SPAG16: variants seen among roughly 807,000 people sequenced by gnomAD.
The protein encoded by SPAG16 is sperm-associated antigen 16 protein.
In SPAG16, 86 loss-of-function variants were observed where a neutral mutation model predicts 80.4. The ratio of observed to expected loss-of-function variants is 1.07; its 90% CI spans 0.90 to 1.28. SPAG16 has a LOEUF of 1.28. Ranked by LOEUF, SPAG16 falls within the 50% of genes most tolerant of loss-of-function variation. SPAG16 has a pLI of 0.00. For synonymous variants in SPAG16, 294 were observed against 265.9 expected (o/e 1.11, Z -1.03); for missense variants, 870 against 765.3 (o/e 1.14, Z -1.61).
chr2:213,584,605 A>G (rs2060403800), intron 10 of SPAG16, among the ~76,000 whole-genome samples: 1 of 152,018 alleles, frequency 6.6e-6, no homozygotes. Flanking sequence ...GGAAAAAGGA[A>G]GGAAAGAAGG....
chr2:213,574,854 A>G (rs190667644), intron 10 of SPAG16, among the ~76,000 whole-genome samples: 27 of 152,056 alleles, frequency 1.8e-4, no homozygotes, highest in African/African-American at 6.3e-4. Context: ...GTGTGTGTGT[A>G]TAAATTGTTT....
chr2:213,948,549 G>A (rs927263487), intron 12 of SPAG16, among the ~76,000 whole-genome samples: 3 of 152,060 alleles, frequency 2.0e-5, no homozygotes, highest in African/African-American at 7.2e-5. Flanking sequence ...TTAGGAATAT[G>A]CATTATCTTT....
intron 11 of SPAG16, among the ~76,000 whole-genome samples, chr2:213,875,356 G>A (rs12474251): frequency 0.59 from 90,316 of 151,872 alleles, 28,734 homozygotes; most frequent in South Asian, 0.85. Context: ...GAGGTTCCAG[G>A]AAGCAAGAGA....
chr2:214,210,834 C>CGT, intron 15 of SPAG16, among the ~76,000 whole-genome samples: 1 of 148,070 alleles, frequency 6.8e-6, no homozygotes, highest in African/African-American at 2.6e-5. Flanking sequence ...CACACATGCG[C>CGT]GCGCGCACAC....
chr2:213,332,764 C>G (rs13395079), intron 5 of SPAG16, among the ~76,000 whole-genome samples: 32,792 of 151,948 alleles, frequency 0.22, 4,397 homozygotes, highest in Non-Finnish European at 0.31. Flanking sequence ...AAAGAATGAA[C>G]AACAAAAACC....
chr2:213,894,288 A>C (rs541609859), intron 11 of SPAG16, among the ~76,000 whole-genome samples: 1 of 152,196 alleles, frequency 6.6e-6, no homozygotes, highest in Non-Finnish European at 1.5e-5. Flanking sequence ...ATGGTTCAGC[A>C]TACACAAATC....
intron 10 of SPAG16, among the ~76,000 whole-genome samples, chr2:213,493,921 C>T (rs1275721862): frequency 6.6e-6 from 1 of 152,170 alleles, no homozygotes; most frequent in African/African-American, 2.4e-5. Flanking sequence ...TTGTCCTTGC[C>T]ATTCTCCTCT....
intron 15 of SPAG16, among the ~76,000 whole-genome samples, chr2:214,402,675 A>G (rs1701777807): frequency 6.6e-6 from 1 of 152,000 alleles, no homozygotes; most frequent in Admixed American, 6.6e-5. Context: ...AATATAAAAT[A>G]CTTACCTAAA....
intron 14 of SPAG16, among the ~76,000 whole-genome samples, chr2:214,135,408 T>C (rs1219022981): frequency 6.6e-6 from 1 of 152,204 alleles, no homozygotes; most frequent in Non-Finnish European, 1.5e-5. Flanking sequence ...CTCCTAAAGC[T>C]CTGTTAGCTG....
Position 213,556,992 on chromosome 2 carries a change from A to G in SPAG16, c.1070+66902A>G, listed in dbSNP as rs145252320. On this transcript the variant is annotated intron_variant, in intron 10 of 15. Transcript: ENST00000331683. ...TGATAGTTTTATATCAAAAGTCAAG[A>G]AAGTATTTCACTGACATAAAATATT... Among the ~76,000 whole-genome samples the G allele has an allele frequency of 4.9e-4, 74 of 152,314 alleles. 1 individual carries two copies. Among genetic ancestry groups the G allele is most frequent in the African/African-American group, 1.8e-3 (74 of 41,586 alleles).
intron 11 of SPAG16, among the ~76,000 whole-genome samples, chr2:213,879,013 T>TAA (rs1451085884): frequency 6.6e-6 from 1 of 152,148 alleles, no homozygotes; most frequent in Non-Finnish European, 1.5e-5. Context: ...ATCTGTTGTC[T>TAA]ATTTTGATAC....
chr2:213,356,335 T>A (rs1243932977), intron 7 of SPAG16, among the ~76,000 whole-genome samples: 1 of 152,212 alleles, frequency 6.6e-6, no homozygotes, highest in Non-Finnish European at 1.5e-5. Context: ...CCAGCTCCTC[T>A]TTGTACCTCT....
intron 13 of SPAG16, among the ~76,000 whole-genome samples, chr2:214,104,695 G>A (rs1242890743): frequency 6.6e-6 from 1 of 152,122 alleles, no homozygotes; most frequent in Non-Finnish European, 1.5e-5. Context: ...ATAGACAGTT[G>A]GGAAGTAGTA....
intron 15 of SPAG16, among the ~76,000 whole-genome samples, chr2:214,180,475 G>A (rs769333765): frequency 1.3e-5 from 2 of 151,544 alleles, no homozygotes; most frequent in Admixed American, 6.6e-5. Flanking sequence ...TAGTATCCAA[G>A]TATTTCCAAA....
intron 7 of SPAG16, among the ~76,000 whole-genome samples, chr2:213,361,828 C>CACACAG (rs1491080227): frequency 6.9e-6 from 1 of 144,860 alleles, no homozygotes; most frequent in African/African-American, 2.5e-5. Flanking sequence ...CACACACACA[C>CACACAG]AGAGGCTGTG....
At chr2:214,027,412 G>C (rs923006095) in intron 13 of SPAG16, among the ~76,000 whole-genome samples, 3 of 151,512 alleles carry the variant, frequency 2.0e-5, no homozygotes, top group Admixed American at 2.0e-4. Flanking sequence ...TGAATATTTG[G>C]ATGGTTTCTA....
At chr2:214,305,482 C>T (rs752426705) in intron 15 of SPAG16, among the ~76,000 whole-genome samples, 27 of 152,110 alleles carry the variant, frequency 1.8e-4, no homozygotes, top group Non-Finnish European at 3.4e-4. Context: ...CCTAGGCTCT[C>T]TTCCTTGGAT....
intron 5 of SPAG16, among the ~76,000 whole-genome samples, chr2:213,320,321 T>A (rs2063563294): frequency 6.6e-6 from 1 of 152,068 alleles, no homozygotes; most frequent in Non-Finnish European, 1.5e-5. Flanking sequence ...ACATGTGTTA[T>A]TTTGATTACA....
At chr2:213,850,570 A>T (rs920288753) in intron 10 of SPAG16, among the ~76,000 whole-genome samples, 5 of 152,252 alleles carry the variant, frequency 3.3e-5, no homozygotes, top group Admixed American at 1.3e-4. Context: ...TCTTTCGAGT[A>T]CAGGGCAGGA....
Sources: allele counts gnomAD v4.1 joint callset (sites outside exome capture counted in the v4.1 genomes callset), GRCh38; gene constraint gnomAD v4.1.1; transcripts MANE v1.5; gene names NCBI Gene and HGNC (gene_info 2026-07-23, HGNC 2026-07-21).